Variants in ITGA9 observed in about 807,000 individuals in gnomAD.
ITGA9 encodes integrin alpha-9.
In ITGA9, 56 loss-of-function variants were observed where a neutral mutation model predicts 127.8. The observed-to-expected ratio is 0.44, with a 90% CI of 0.35 to 0.55. The LOEUF (loss-of-function observed/expected upper bound fraction) is 0.55, where lower values mean the gene tolerates loss of function less well. Ranked by LOEUF, ITGA9 falls within the 20% of genes least tolerant of loss-of-function variation. The pLI is 0.00. For missense variants in ITGA9, 1,196 were observed against 1,347.1 expected (o/e 0.89, Z 1.76); for synonymous variants, 508 against 514.5 (o/e 0.99, Z 0.17).
intron 23 of ITGA9, 66 bp from the exon 24 acceptor site, chr3:37,777,326 A>T: frequency 6.3e-7 from 1 of 1,585,898 alleles, no homozygotes; most frequent in Non-Finnish European, 8.7e-7. Flanking sequence ...CTCTACAATA[A>T]GAGGCTCCAG....
Position 37,516,361 on chromosome 3 carries a change from C to A in ITGA9, c.1036-1143C>A, listed in dbSNP as rs1579079613. Reference sequence around the variant, plus strand: ...ACCTGAGTTTGAATCTTGGTTTTGCCATGTCCTAGCCTGTGTGATGTGGAC... The same window carrying A: ...ACCTGAGTTTGAATCTTGGTTTTGCAATGTCCTAGCCTGTGTGATGTGGAC... On this transcript the variant is annotated intron_variant, in intron 9 of 27. Coordinates refer to ENST00000264741, the MANE Select transcript of ITGA9 (RefSeq NM_002207.3). Among the ~76,000 whole-genome samples the A allele has an allele frequency of 2.0e-5, 3 of 152,252 alleles. No individual in the cohort carries two copies. The South Asian group carries it at 6.2e-4, about 32-fold the overall frequency.
chr3:37,563,450 G>A (rs988260624), intron 15 of ITGA9, among the ~76,000 whole-genome samples: 2 of 151,798 alleles, frequency 1.3e-5, no homozygotes, highest in Non-Finnish European at 2.9e-5. Context: ...GATTTGGTTC[G>A]GCTGGCACTC....
intron 4 of ITGA9, among the ~76,000 whole-genome samples, chr3:37,493,709 C>A (rs115114800): frequency 1.6e-4 from 25 of 152,290 alleles, no homozygotes; most frequent in African/African-American, 5.3e-4. Context: ...AATATTCTTA[C>A]CTGTTAACAA....
intron 18 of ITGA9, among the ~76,000 whole-genome samples, chr3:37,731,346 G>A (rs1696289960): frequency 1.3e-5 from 2 of 152,130 alleles, no homozygotes; most frequent in South Asian, 4.1e-4. Flanking sequence ...ACCTTAAAGA[G>A]GCTCCCAAGG....
intron 17 of ITGA9, among the ~76,000 whole-genome samples, chr3:37,671,233 A>G (rs1700634685): frequency 6.6e-6 from 1 of 152,232 alleles, no homozygotes; most frequent in Non-Finnish European, 1.5e-5. Context: ...GATTCCGGAA[A>G]CTACTCCTAA....
chr3:37,485,577 C>T (rs1410909032), intron 4 of ITGA9, among the ~76,000 whole-genome samples: 1 of 152,058 alleles, frequency 6.6e-6, no homozygotes, highest in Admixed American at 6.5e-5. Flanking sequence ...TAACTGTGGC[C>T]TCATGGTAAG....
intron 5 of ITGA9, among the ~76,000 whole-genome samples, chr3:37,501,080 AC>A (rs1698782894): frequency 6.6e-6 from 1 of 152,112 alleles, no homozygotes; most frequent in Non-Finnish European, 1.5e-5. Flanking sequence ...TCTAGTGTGA[AC>A]TCTGAGATAT....
chr3:37,722,784 G>A (rs1185104153), intron 18 of ITGA9, among the ~76,000 whole-genome samples: 1 of 152,128 alleles, frequency 6.6e-6, no homozygotes, highest in African/African-American at 2.4e-5. Flanking sequence ...CAATATTTGT[G>A]TACACATTTT....
At chr3:37,714,235 A>C (rs150881273) in intron 18 of ITGA9, among the ~76,000 whole-genome samples, 1 of 152,254 alleles carries the variant, frequency 6.6e-6, no homozygotes, top group East Asian at 1.9e-4. Flanking sequence ...TGTCAGTGTT[A>C]AATAAGACAG....
chr3:37,499,218 T>G (rs1339763093), intron 5 of ITGA9, among the ~76,000 whole-genome samples: 1 of 152,216 alleles, frequency 6.6e-6, no homozygotes, highest in Admixed American at 6.5e-5. Flanking sequence ...AAGAGAGGAT[T>G]TGGACCAGCT....
intron 18 of ITGA9, among the ~76,000 whole-genome samples, chr3:37,727,091 A>G (rs1696218764): frequency 6.6e-6 from 1 of 152,212 alleles, no homozygotes; most frequent in South Asian, 2.1e-4. Flanking sequence ...ACAGCCCTCC[A>G]TAGAGTATCG....
intron 17 of ITGA9, among the ~76,000 whole-genome samples, chr3:37,669,679 T>G (rs1700618629): frequency 6.6e-6 from 1 of 152,206 alleles, no homozygotes; most frequent in Admixed American, 6.5e-5. Context: ...TTATTTGCCC[T>G]CTTGGAATTG....
chr3:37,456,534 C>T (rs937976919), intron 1 of ITGA9, among the ~76,000 whole-genome samples: 1 of 152,226 alleles, frequency 6.6e-6, no homozygotes, highest in East Asian at 1.9e-4. Context: ...CCACCCCGTC[C>T]CCTCCTCCTT....
chr3:37,650,470 T>C (rs1195497740), intron 16 of ITGA9, among the ~76,000 whole-genome samples: 1 of 152,182 alleles, frequency 6.6e-6, no homozygotes, highest in Non-Finnish European at 1.5e-5. Context: ...TTTGTTCTTA[T>C]TGCCCAGGCT....
At chr3:37,475,723 T>C (rs1296393252) in intron 3 of ITGA9, among the ~76,000 whole-genome samples, 1 of 152,252 alleles carries the variant, frequency 6.6e-6, no homozygotes, top group Non-Finnish European at 1.5e-5. Flanking sequence ...TTTTTCTAAT[T>C]GTGGCCAAAC....
chr3:37,785,448 A>G (rs911000344), intron 26 of ITGA9, among the ~76,000 whole-genome samples: 3 of 152,052 alleles, frequency 2.0e-5, no homozygotes, highest in African/African-American at 7.2e-5. Context: ...TACCCGTCAC[A>G]TTACTCCATG....
At chr3:37,783,750 C>A (rs142088501) in intron 25 of ITGA9, among the ~76,000 whole-genome samples, 1 of 152,286 alleles carries the variant, frequency 6.6e-6, no homozygotes, top group Non-Finnish European at 1.5e-5. Flanking sequence ...AAAATTATTT[C>A]TTGCTTAAAG....
chr3:37,727,884 A>G (rs1201427417), intron 18 of ITGA9, among the ~76,000 whole-genome samples: 1 of 152,250 alleles, frequency 6.6e-6, no homozygotes, highest in Non-Finnish European at 1.5e-5. Flanking sequence ...TAACTCTGCC[A>G]GATCCAGATT....
At chr3:37,765,503 T>G (rs2125544666) in intron 23 of ITGA9, among the ~76,000 whole-genome samples, 1 of 152,294 alleles carries the variant, frequency 6.6e-6, no homozygotes, top group Admixed American at 6.5e-5. Flanking sequence ...CATGTATGAA[T>G]GCAAGCTGAA....
Sources: gnomAD v4.1 joint callset for allele counts (sites outside exome capture counted in the v4.1 genomes callset) on GRCh38, gnomAD v4.1.1 for gene constraint, MANE v1.5 for transcripts, NCBI Gene and HGNC (gene_info 2026-07-23, HGNC 2026-07-21) for gene names.